The following ZNF674 variants were observed in gnomAD, a reference collection of about 807,000 sequenced individuals.
The protein encoded by ZNF674 is zinc finger protein 674.
ZNF674 carries 2 observed loss-of-function variants against 7.0 expected under a neutral mutation model. The ratio of observed to expected loss-of-function variants is 0.29; its 90% CI spans 0.12 to 0.90. The LOEUF (loss-of-function observed/expected upper bound fraction) is 0.90, where lower values mean the gene tolerates loss of function less well. Ranked by LOEUF, ZNF674 falls within the 40% of genes least tolerant of loss-of-function variation. The pLI is 0.57. For synonymous variants in ZNF674, 103 were observed against 145.2 expected, an observed-to-expected ratio of 0.71 and a Z score of 2.09; for missense variants, 297 against 415.5, an observed-to-expected ratio of 0.71 and a Z score of 2.48.
At chrX:46,504,038 C>CA (rs1323189310) in intron 5 of ZNF674, among the ~76,000 whole-genome samples, 13 of 105,593 alleles carry the variant, frequency 1.2e-4, no homozygotes, top group South Asian at 8.1e-4. Context: ...GACCCTGTCT[C>CA]AAAAAAAAAA....
At chrX:46,528,573 C>G in intron 4 of ZNF674, 128 bp from the exon 5 acceptor site, 10 of 929,840 alleles carry the variant, frequency 1.1e-5, no homozygotes, top group Non-Finnish European at 1.4e-5. Flanking sequence ...ATCTGCCCCT[C>G]AGTACAGAAC....
intron 3 of ZNF674, among the ~76,000 whole-genome samples, chrX:46,535,977 T>A (rs2146616271): frequency 8.9e-6 from 1 of 112,282 alleles, no homozygotes; most frequent in South Asian, 3.7e-4. Context: ...TCACTGCTGA[T>A]GAAGAGTATT....
intron 3 of ZNF674, among the ~76,000 whole-genome samples, chrX:46,541,361 C>CAAAA (rs34440167): frequency 1.8e-5 from 1 of 54,698 alleles, no homozygotes; most frequent in Non-Finnish European, 3.4e-5. Flanking sequence ...AACTCCGTCA[C>CAAAA]AAAAAAAAAA....
intron 5 of ZNF674, among the ~76,000 whole-genome samples, chrX:46,507,806 A>G (rs1302911387): frequency 8.9e-6 from 1 of 112,007 alleles, no homozygotes; most frequent in African/African-American, 3.2e-5. Context: ...AACATTTCAA[A>G]TAAGTTTTGT....
intron 5 of ZNF674, 52 bp downstream of exon 5, chrX:46,528,298 C>T (rs778526129): frequency 2.8e-5 from 33 of 1,178,388 alleles, no homozygotes; most frequent in Non-Finnish European, 3.6e-5. Context: ...CAAGCTCTCA[C>T]CAACCAACCT....
Position 46,499,893 on chromosome X carries a change from A to G in ZNF674, c.1681T>C (p.Ser561Pro), listed in dbSNP as rs372786285. The change falls in exon 6 of 6, where the codon TCA becomes CCA. Residue 561 changes from serine (S) to proline (P), a missense_variant. Physicochemically the swap from Ser to Pro is moderately conservative, Grantham distance 74. Coordinates refer to ENST00000683375, the MANE Select transcript of ZNF674 (RefSeq NM_001190417.2). ...RDCGKAFSGK[S>P]TLIKHQRSHT... ...CTTCTCTGATGTTTAATGAGAGTTG[A>G]CTTCCCACTGAATGCTTTCCCACAG... 1.4e-5 allele frequency: 16 copies of G among 1,163,469 alleles called. No homozygotes were observed. The highest frequency in any genetic ancestry group is 2.5e-5 in the Admixed American group (1 of 39,351).
intron 5 of ZNF674, 44 bp from the exon 6 acceptor site, chrX:46,501,379 T>C (rs1368792877): frequency 8.7e-7 from 1 of 1,152,974 alleles, no homozygotes; most frequent in Non-Finnish European, 1.2e-6. Flanking sequence ...CTTCCCACTA[T>C]AATTTATGAA....
Position 46,500,034 on chromosome X carries a change from G to T in ZNF674, c.1540C>A (p.His514Asn), listed in dbSNP as rs955437777. 8.3e-7 allele frequency: 1 copy of T among 1,210,858 alleles called. No homozygotes were observed. The highest frequency in any genetic ancestry group is 2.2e-5 in the Admixed American group (1 of 45,955). ...CATTTGTAAGGTTTTTCTCCTGTAT[G>T]AATTCTCTGATGTTTGATGAGAGTT... ...KSTLIKHQRI[H>N]TGEKPYKCSE... Residue 514 changes from histidine (H) to asparagine (N), a missense_variant, in exon 6 of 6, where the codon CAT (histidine) becomes AAT (asparagine). Transcript: ENST00000683375.
intron 3 of ZNF674, among the ~76,000 whole-genome samples, chrX:46,531,860 T>C (rs1310928202): frequency 9.1e-6 from 1 of 109,858 alleles, no homozygotes; most frequent in Non-Finnish European, 1.9e-5. Flanking sequence ...TAAAATAAAT[T>C]AAAAAAAATA....
rs1023020287 is a variant in ZNF674 at position 46,498,625 on chromosome X, C to G, written c.*1218G>C. 3 of 109,462 alleles carry G rather than the reference C, an allele frequency of 2.7e-5. No individual in the cohort carries two copies. The highest frequency in any genetic ancestry group is 9.9e-5 in the Admixed American group (1 of 10,127). The allele number at this position is 109,462 out of a possible 1,213,427, so 9.0% of individuals were successfully genotyped here. On this transcript the variant is annotated 3_prime_UTR_variant, in exon 6 of 6. Transcript: ENST00000683375. ...ACTCACTGAGCGTGGTGGCTCTCGC[C>G]TATAATCCCAGCACTTTGGGAGGCT... is the stretch of plus-strand genomic sequence containing the variant.
intron 3 of ZNF674, among the ~76,000 whole-genome samples, chrX:46,531,819 T>A (rs1239535394): frequency 9.1e-6 from 1 of 109,912 alleles, no homozygotes; most frequent in African/African-American, 3.3e-5. Context: ...ACCCTAGAAC[T>A]TAAAGTATAA....
At chrX:46,544,451 G>A (rs1298887580) in intron 2 of ZNF674, 50 bp downstream of exon 2, 14 of 112,178 alleles carry the variant, frequency 1.2e-4, no homozygotes, top group Non-Finnish European at 2.6e-4. Flanking sequence ...CACCCCAGTT[G>A]GGGCCATCAC....
intron 1 of ZNF674, among the ~76,000 whole-genome samples, chrX:46,545,057 T>C (rs145307541): frequency 0.01 from 1,133 of 111,933 alleles, 21 homozygotes; most frequent in African/African-American, 0.035. Flanking sequence ...CAAGCCACAC[T>C]GTACCGTTTT....
At chrX:46,542,529 C>G (rs1035348258) in intron 2 of ZNF674, among the ~76,000 whole-genome samples, 17 of 111,035 alleles carry the variant, frequency 1.5e-4, no homozygotes, top group Non-Finnish European at 3.0e-4. Context: ...GACAATATAG[C>G]AAGGCCTTGT....
At chrX:46,519,053 C>A (rs772316641) in intron 5 of ZNF674, among the ~76,000 whole-genome samples, 7 of 99,236 alleles carry the variant, frequency 7.1e-5, no homozygotes, top group Non-Finnish European at 1.2e-4. Flanking sequence ...AAATACAAAA[C>A]TTAGCTGGGC....
rs780302749 is a variant in ZNF674 at position 46,528,871 on chromosome X, G to T, written c.54C>A (p.Thr18=). ...LTFKDVFVDF[T]LEEWQQLDSA... is the part of the protein sequence containing the mutation. The stretch of plus-strand genomic sequence containing the variant: ...AGTCCAGTTGCTGCCACTCCTCCAG[G>T]GTGAAGTCCACAAACACGTCCTTGA... The change falls in exon 4 of 6, where the codon ACC becomes ACA. Residue 18 remains threonine, a synonymous_variant. Transcript: ENST00000683375. 5 of 1,211,587 alleles carry T rather than the reference G, an allele frequency of 4.1e-6. No individual in the cohort carries two copies. Among genetic ancestry groups the T allele is most frequent in the Non-Finnish European group, 4.5e-6 (4 of 895,493 alleles).
chrX:46,542,093 T>C lies in ZNF674; in HGVS notation c.-6A>G. 8.3e-7 allele frequency: 1 copy of C among 1,201,774 alleles called. No homozygotes were observed. The highest frequency in any genetic ancestry group is 1.1e-6 in the Non-Finnish European group (1 of 887,730). On this transcript the variant is annotated 5_prime_UTR_variant, in exon 3 of 6. Transcript: ENST00000683375. ...CTCACCTGGGACATGGCCATCTTGT[T>C]GTGCTCCTGCAAAGGATGGAGATCT...
chrX:46,504,815 G>A (rs1941499731), intron 5 of ZNF674, among the ~76,000 whole-genome samples: 1 of 110,995 alleles, frequency 9.0e-6, no homozygotes, highest in Admixed American at 9.6e-5. Flanking sequence ...GGCCTCAGGA[G>A]GGGAAAAATG....
chrX:46,533,533 G>A (rs1296194945), intron 3 of ZNF674, among the ~76,000 whole-genome samples: 2 of 109,619 alleles, frequency 1.8e-5, no homozygotes, highest in Admixed American at 2.0e-4. Context: ...AGTCCGAGGC[G>A]AGTGGATCAC....
Sources: allele counts gnomAD v4.1 joint callset (sites outside exome capture counted in the v4.1 genomes callset), GRCh38; gene constraint gnomAD v4.1.1; transcripts MANE v1.5; gene names NCBI Gene and HGNC (gene_info 2026-07-23, HGNC 2026-07-21).